The following MSI2 variants were observed in gnomAD, a reference collection of about 807,000 sequenced individuals.
MSI2 encodes the protein musashi RNA binding protein 2.
Under a neutral mutation model 45.6 loss-of-function variants are expected in MSI2, and 17 were observed. The ratio of observed to expected loss-of-function variants is 0.37; its 90% CI spans 0.26 to 0.56. MSI2 has a LOEUF of 0.56. Among genes scored for constraint, MSI2 ranks in the 20% least tolerant of loss-of-function variants. The probability of loss-of-function intolerance (pLI) is 0.77; values close to 1 mark genes in which losing one functional copy is unlikely to be tolerated. For missense variants in MSI2, 293 were observed against 444.2 expected (o/e 0.66, Z 3.06); for synonymous variants, 156 against 158.2 (o/e 0.99, Z 0.11).
chr17:57,662,029 C>T (rs1439048133), intron 11 of MSI2, among the ~76,000 whole-genome samples: 4 of 152,176 alleles, frequency 2.6e-5, no homozygotes, highest in South Asian at 2.1e-4. Context: ...TCAGGCCTCC[C>T]GGCGGCAAAG....
intron 6 of MSI2, among the ~76,000 whole-genome samples, chr17:57,507,673 A>G (rs1331804090): frequency 6.6e-6 from 1 of 150,772 alleles, no homozygotes; most frequent in Non-Finnish European, 1.5e-5. Context: ...CCGCCTCACC[A>G]AAGTTTCAAG....
chr17:57,639,751 C>G (rs1567953701), intron 10 of MSI2, among the ~76,000 whole-genome samples: 4 of 124,070 alleles, frequency 3.2e-5, no homozygotes, highest in Admixed American at 1.6e-4. Flanking sequence ...CCACAGTTCC[C>G]TTAGTGGGGA....
intron 3 of MSI2, 83 bp downstream of exon 3, chr17:57,257,630 A>G: frequency 2.9e-6 from 3 of 1,038,646 alleles, no homozygotes; most frequent in Non-Finnish European, 4.4e-6. Flanking sequence ...GGAAGTAGCT[A>G]AGCGGATTAG....
intron 11 of MSI2, among the ~76,000 whole-genome samples, chr17:57,657,408 G>C (rs1378469820): frequency 1.3e-5 from 2 of 152,172 alleles, no homozygotes; most frequent in Non-Finnish European, 2.9e-5. Context: ...CGAGGCTGGG[G>C]AGTAAGAGAA....
chr17:57,401,539 C>A, intron 6 of MSI2, 68 bp downstream of exon 6: 2 of 1,224,260 alleles, frequency 1.6e-6, no homozygotes, highest in South Asian at 2.4e-5. Context: ...AAGAGGCTAC[C>A]GTGGCCCCCG....
chr17:57,320,812 T>G (rs73323498), intron 5 of MSI2, among the ~76,000 whole-genome samples: 10,631 of 152,036 alleles, frequency 0.07, 1,274 homozygotes, highest in African/African-American at 0.24. Context: ...GCAGAGGGTG[T>G]GTCAGGAAGG....
At chr17:57,632,630 C>A (rs995244140) in intron 10 of MSI2, 6 of 1,066,066 alleles carry the variant, frequency 5.6e-6, no homozygotes, top group Admixed American at 1.1e-4. Context: ...AAGGTTGGCA[C>A]TCCTGCCCAT....
rs114973249 is a variant in MSI2, at chr17:57,625,705, T to A, written c.653-1524T>A. The A allele has an allele frequency of 2.6e-3, 396 of 152,334 alleles. 2 individuals carry two copies. Among genetic ancestry groups the A allele is most frequent in the African/African-American group, 9.2e-3 (383 of 41,574 alleles). 9.4% of individuals were successfully genotyped at this position (152,334 alleles called of 1,614,324 possible). A position where few individuals can be genotyped will look rare whatever the true frequency, so the allele number is the denominator to read the frequency against. ...AAGTAATTGTTTGCCAGTGTTTTGA[T>A]AACAAGCAACAGAAACAACCCTGGC... On this transcript the variant is annotated intron_variant, in intron 9 of 13. Transcript: ENST00000284073.
At chr17:57,512,204 A>G (rs570454981) in intron 6 of MSI2, among the ~76,000 whole-genome samples, 10 of 152,238 alleles carry the variant, frequency 6.6e-5, no homozygotes, top group Non-Finnish European at 1.5e-4. Context: ...ACTCAAGGAC[A>G]GGAATCAAGT....
chr17:57,295,986 GC>G (rs1910896277), intron 5 of MSI2, among the ~76,000 whole-genome samples: 2 of 106,344 alleles, frequency 1.9e-5, no homozygotes, highest in African/African-American at 3.6e-5. Flanking sequence ...AGTTCACGCA[GC>G]CTTCCTTTTT....
At chr17:57,453,252 C>G (rs1334667096) in intron 6 of MSI2, among the ~76,000 whole-genome samples, 3 of 152,104 alleles carry the variant, frequency 2.0e-5, no homozygotes, top group Non-Finnish European at 4.4e-5. Context: ...CTGCCCACCT[C>G]AGCCTCCCAA....
intron 10 of MSI2, among the ~76,000 whole-genome samples, chr17:57,638,673 T>C (rs1910019521): frequency 5.3e-5 from 8 of 152,170 alleles, no homozygotes; most frequent in Non-Finnish European, 8.8e-5. Context: ...GAGGGTTTCT[T>C]GAGGCCAGGA....
intron 7 of MSI2, among the ~76,000 whole-genome samples, chr17:57,584,222 A>G (rs1277020003): frequency 2.6e-5 from 4 of 152,220 alleles, no homozygotes; most frequent in Non-Finnish European, 4.4e-5. Context: ...CGCCACGCCA[A>G]TCCAGCTGCC....
intron 5 of MSI2, among the ~76,000 whole-genome samples, chr17:57,343,074 G>T (rs538973514): frequency 1.3e-5 from 2 of 152,252 alleles, no homozygotes; most frequent in Admixed American, 6.5e-5. Context: ...AGAGACACGG[G>T]TCATGATGAC....
chr17:57,420,688 C>A (rs1039122194), intron 6 of MSI2, among the ~76,000 whole-genome samples: 3 of 152,210 alleles, frequency 2.0e-5, no homozygotes, highest in Non-Finnish European at 4.4e-5. Context: ...GCTCCAACCA[C>A]CCTCTTGGGT....
Position 57,675,125 on chromosome 17 carries a change from C to A in MSI2, c.944C>A (p.Ala315Asp). The stretch of plus-strand genomic sequence containing the variant: ...GGCTCGGGCTTCGGCCACGGCATAG[C>A]TGTAAGTACCTGCCTTCCCCTGCCC... ...QPGSGFGHGI[A>D]GPLIATAFTN... Residue 315 changes from alanine to aspartate, a missense_variant and splice_region_variant, in exon 12 of 14, where the codon GCT becomes GAT. By Grantham distance (126) the Ala-to-Asp change is moderately radical. Coordinates refer to ENST00000284073, the MANE Select transcript of MSI2 (RefSeq NM_138962.4). 1 of 1,611,338 alleles carries A rather than the reference C, an allele frequency of 6.2e-7. No homozygotes were observed. Among genetic ancestry groups the A allele is most frequent in the Non-Finnish European group, 8.5e-7 (1 of 1,178,734 alleles).
chr17:57,466,387 A>G (rs1456200369), intron 6 of MSI2, among the ~76,000 whole-genome samples: 1 of 152,216 alleles, frequency 6.6e-6, no homozygotes, highest in East Asian at 1.9e-4. Flanking sequence ...TTGTATGCAA[A>G]TATGACCTAA....
At chr17:57,412,621 AT>A (rs1330339363) in intron 6 of MSI2, among the ~76,000 whole-genome samples, 1 of 152,308 alleles carries the variant, frequency 6.6e-6, no homozygotes, top group African/African-American at 2.4e-5. Flanking sequence ...TGTGGCCCAG[AT>A]GGTCTCCTAG....
intron 3 of MSI2, among the ~76,000 whole-genome samples, chr17:57,257,825 T>C (rs1906939671): frequency 6.6e-6 from 1 of 151,746 alleles, no homozygotes; most frequent in African/African-American, 2.4e-5. Flanking sequence ...TCAGCTTCAT[T>C]TACTTTCGCA....
Sources: allele counts gnomAD v4.1 joint callset (sites outside exome capture counted in the v4.1 genomes callset), GRCh38; gene constraint gnomAD v4.1.1; transcripts MANE v1.5; gene names NCBI Gene and HGNC (gene_info 2026-07-23, HGNC 2026-07-21).